Variants in NME9 observed in about 807,000 individuals in gnomAD.
NME9 encodes thioredoxin domain-containing protein 6.
NME9 carries 48 observed loss-of-function variants against 44.4 expected under a neutral mutation model. The observed-to-expected ratio is 1.08, with a 90% CI of 0.86 to 1.37. The LOEUF (loss-of-function observed/expected upper bound fraction) is 1.37, where lower values mean the gene tolerates loss of function less well. NME9 is among the 40% of genes most tolerant of loss of function. The pLI, the probability that NME9 is intolerant of heterozygous loss-of-function variation, is 0.00. For synonymous variants in NME9, 139 were observed against 147.1 expected (o/e 0.94, Z 0.40); for missense variants, 325 against 405.2 (o/e 0.80, Z 1.70).
At chr3:138,300,699 T>C (rs1479034863), downstream of NME9, among the ~76,000 whole-genome samples, 1 of 152,136 alleles carries the variant, frequency 6.6e-6, no homozygotes, top group East Asian at 1.9e-4. Context: ...TAAATTTAAG[T>C]GTCAGCCAGA....
chr3:138,322,749 T>G (rs76283851), intron 2 of NME9, among the ~76,000 whole-genome samples: 3,196 of 152,244 alleles, frequency 0.021, 91 homozygotes, highest in African/African-American at 0.071. Flanking sequence ...GCTGCCTTCA[T>G]TTAACAGAGG....
At chr3:138,279,946 C>T (rs1215153641) in intron 8 of NME9, among the ~76,000 whole-genome samples, 1 of 151,960 alleles carries the variant, frequency 6.6e-6, no homozygotes, top group Non-Finnish European at 1.5e-5. Flanking sequence ...GCTGTGTCAC[C>T]CAGGCTGGAG....
At chr3:138,291,254 A>G (rs2050918331) in intron 8 of NME9, among the ~76,000 whole-genome samples, 2 of 152,228 alleles carry the variant, frequency 1.3e-5, no homozygotes, top group Non-Finnish European at 2.9e-5. Context: ...ACTCTTGAGC[A>G]TGGCTTAGAA....
At chr3:138,273,179 T>C in intron 8 of NME9, 2 of 1,476,712 alleles carry the variant, frequency 1.4e-6, no homozygotes, top group Non-Finnish European at 9.2e-7. Flanking sequence ...AAGACATTGC[T>C]CTCTCTCTGT....
At chr3:138,264,617 A>G (rs561859960) in intron 8 of NME9, among the ~76,000 whole-genome samples, 39 of 150,932 alleles carry the variant, frequency 2.6e-4, no homozygotes, top group Admixed American at 7.9e-4. Flanking sequence ...GCGGGGTTTC[A>G]CCATATTGGT....
At chr3:138,271,954 C>G (rs2048845187) in intron 8 of NME9, among the ~76,000 whole-genome samples, 1 of 152,074 alleles carries the variant, frequency 6.6e-6, no homozygotes, top group Admixed American at 6.6e-5. Flanking sequence ...TGCCACCACA[C>G]CTGGCTATAC....
At chr3:138,323,041 A>T (rs1378784708) in intron 2 of NME9, among the ~76,000 whole-genome samples, 1 of 152,208 alleles carries the variant, frequency 6.6e-6, no homozygotes, top group East Asian at 1.9e-4. Context: ...GGCAATACTG[A>T]CACCCACACA....
At chr3:138,314,509 A>T in intron 5 of NME9, 102 bp from the exon 6 acceptor site, 1 of 708,878 alleles carries the variant, frequency 1.4e-6, no homozygotes, top group South Asian at 2.0e-5. Flanking sequence ...GCTCCAAAAC[A>T]CAGAGAAAAA....
intron 8 of NME9, among the ~76,000 whole-genome samples, chr3:138,271,051 A>G (rs1307836630): frequency 1.3e-5 from 2 of 152,200 alleles, no homozygotes; most frequent in Non-Finnish European, 2.9e-5. Flanking sequence ...CTCACAGTTA[A>G]TAATGGAAAT....
At chr3:138,321,843 C>T (rs1011307595) in intron 2 of NME9, among the ~76,000 whole-genome samples, 1 of 151,394 alleles carries the variant, frequency 6.6e-6, no homozygotes, top group African/African-American at 2.4e-5. Context: ...AAAGAACTAG[C>T]GAGGGGTGGG....
Position 138,265,151 on chromosome 3 carries a change from C to A in NME9, c.746-2565G>T, listed in dbSNP as rs191880660. Among the ~76,000 whole-genome samples, 663 of 152,152 alleles carry A rather than the reference C, an allele frequency of 4.4e-3. 5 individuals carry two copies. Among genetic ancestry groups the A allele is most frequent in the African/African-American group, 0.015 (609 of 41,478 alleles). The stretch of plus-strand genomic sequence containing the variant: ...AGCTCAAGTGATCCTGCCTTGGCCT[C>A]CCAAAGTGTTGGCTAGGATTACAGG... On this transcript the variant is annotated intron_variant, in intron 8 of 8. Coordinates refer to the NME9 transcript ENST00000317876.
rs537770278 is a variant in NME9, at chr3:138,311,600, G to A, written c.460+2732C>T. On this transcript the variant is annotated intron_variant, in intron 6 of 10. Coordinates refer to ENST00000333911, the MANE Select transcript of NME9 (RefSeq NM_001349018.2). ...GTTCATCATATGTAAATCAATAAAT[G>A]TGATTCATCAAATCATTAACAGAAC... 1.2e-4 allele frequency among the ~76,000 whole-genome samples: 19 copies of A among 152,274 alleles called. 1 individual carries two copies. In the South Asian group the frequency reaches 3.9e-3, roughly 32 times the overall value.
chr3:138,296,910 A>T (rs1003997848), downstream of NME9: 1 of 152,218 alleles, frequency 6.6e-6, no homozygotes, highest in Non-Finnish European at 1.5e-5. Context: ...CCAGTCATGG[A>T]AACTTGTGCT....
intron 6 of NME9, among the ~76,000 whole-genome samples, chr3:138,308,067 C>G (rs529818366): frequency 6.6e-6 from 1 of 152,048 alleles, no homozygotes; most frequent in Non-Finnish European, 1.5e-5. Flanking sequence ...AGGGCGGTAT[C>G]TTAGATGGTT....
chr3:138,295,193 C>T (rs2051362457), intron 8 of NME9, among the ~76,000 whole-genome samples: 1 of 152,182 alleles, frequency 6.6e-6, no homozygotes, highest in Admixed American at 6.5e-5. Flanking sequence ...GCCACAGCAC[C>T]CGGCCTACAT....
At chr3:138,296,595 C>T (rs1034875829), downstream of NME9, 1 of 152,024 alleles carries the variant, frequency 6.6e-6, no homozygotes, top group African/African-American at 2.4e-5. Flanking sequence ...GATTAACAGG[C>T]ACTATACATG....
chr3:138,323,400 C>T (rs937700833), intron 2 of NME9, among the ~76,000 whole-genome samples: 5 of 151,764 alleles, frequency 3.3e-5, no homozygotes, highest in Non-Finnish European at 7.4e-5. Context: ...TGGGTGACTC[C>T]GTCTCAAAAA....
At chr3:138,317,998 A>C in intron 4 of NME9, 150 bp downstream of exon 4, 1 of 639,668 alleles carries the variant, frequency 1.6e-6, no homozygotes, top group South Asian at 1.8e-5. Flanking sequence ...GAGGCATCAG[A>C]GAAAACAGCA....
At chr3:138,318,333 G>C (rs1174655078) in intron 3 of NME9, 114 bp from the exon 4 acceptor site, 1 of 731,238 alleles carries the variant, frequency 1.4e-6, no homozygotes, top group African/African-American at 1.7e-5. Context: ...TCCCCAGGTA[G>C]AGCCCCGATT....
Sources: gnomAD v4.1 joint callset for allele counts (sites outside exome capture counted in the v4.1 genomes callset) on GRCh38, gnomAD v4.1.1 for gene constraint, MANE v1.5 for transcripts, NCBI Gene and HGNC (gene_info 2026-07-23, HGNC 2026-07-21) for gene names.